The following MCC variants were observed in gnomAD, a reference collection of about 807,000 sequenced individuals.
MCC encodes the protein colorectal mutant cancer protein.
In MCC, 90 loss-of-function variants were observed where a neutral mutation model predicts 116.2. The observed-to-expected ratio is 0.77, with a 90% confidence interval of 0.65 to 0.92. The LOEUF is 0.92. MCC is among the 40% of genes least tolerant of loss of function. The pLI is 0.00. For synonymous variants in MCC, 578 were observed against 510.5 expected (o/e 1.13, Z -1.78); for missense variants, 1,516 against 1,312.2 (o/e 1.16, Z -2.40).
chr5:113,455,595 T>C (rs372260969), intron 1 of MCC, among the ~76,000 whole-genome samples: 29 of 152,190 alleles, frequency 1.9e-4, no homozygotes, highest in African/African-American at 5.8e-4. Flanking sequence ...CTTGGGGATA[T>C]ATATGTTTAG....
At chr5:113,163,553 T>G (rs1167259869) in intron 3 of MCC, among the ~76,000 whole-genome samples, 1 of 152,142 alleles carries the variant, frequency 6.6e-6, no homozygotes, top group East Asian at 1.9e-4. Context: ...CATTTTTTTT[T>G]GTTGACTCAC....
At chr5:113,253,537 A>G (rs1211380242) in intron 3 of MCC, among the ~76,000 whole-genome samples, 1 of 152,116 alleles carries the variant, frequency 6.6e-6, no homozygotes, top group Non-Finnish European at 1.5e-5. Context: ...AGAGCTCACA[A>G]CCCATACTCC....
intron 3 of MCC, among the ~76,000 whole-genome samples, chr5:113,294,092 T>C (rs1178650490): frequency 6.6e-6 from 1 of 152,168 alleles, no homozygotes; most frequent in East Asian, 1.9e-4. Context: ...TGAGAGGTTG[T>C]TTCTTTTTTA....
At chr5:113,402,868 C>G (rs915417829) in intron 1 of MCC, among the ~76,000 whole-genome samples, 2 of 152,126 alleles carry the variant, frequency 1.3e-5, no homozygotes, top group Admixed American at 6.5e-5. Flanking sequence ...GATCATAGTT[C>G]ACTGCAGCCT....
intron 3 of MCC, among the ~76,000 whole-genome samples, chr5:113,278,064 C>G (rs1468526324): frequency 6.6e-6 from 1 of 152,330 alleles, no homozygotes; most frequent in East Asian, 1.9e-4. Context: ...CAATGCCTGT[C>G]CTTCCCTGCA....
At chr5:113,125,264 G>A (rs1223015457) in intron 5 of MCC, among the ~76,000 whole-genome samples, 1 of 152,214 alleles carries the variant, frequency 6.6e-6, no homozygotes, top group Non-Finnish European at 1.5e-5. Flanking sequence ...CCAAGATCTT[G>A]TGTGGAAACA....
chr5:113,333,509 T>C (rs1354788221), intron 3 of MCC, among the ~76,000 whole-genome samples: 1 of 151,372 alleles, frequency 6.6e-6, no homozygotes, highest in Non-Finnish European at 1.5e-5. Flanking sequence ...CCTTTAAAAA[T>C]GTAAATTACT....
At chr5:113,179,647 C>T (rs1761510676) in intron 3 of MCC, among the ~76,000 whole-genome samples, 1 of 152,182 alleles carries the variant, frequency 6.6e-6, no homozygotes, top group Non-Finnish European at 1.5e-5. Flanking sequence ...CAATTAATAA[C>T]ATGCAAGTTC....
At chr5:113,245,303 A>C (rs1764531805) in intron 3 of MCC, among the ~76,000 whole-genome samples, 1 of 152,032 alleles carries the variant, frequency 6.6e-6, no homozygotes, top group Non-Finnish European at 1.5e-5. Context: ...AAAAAAAAAA[A>C]AAAAAGTAAT....
intron 1 of MCC, among the ~76,000 whole-genome samples, chr5:113,477,485 A>G (rs1489405402): frequency 6.6e-6 from 1 of 152,190 alleles, no homozygotes; most frequent in Non-Finnish European, 1.5e-5. Context: ...ATAAGAATAC[A>G]ATCCATGAGT....
intron 3 of MCC, among the ~76,000 whole-genome samples, chr5:113,314,735 GCAC>G (rs923014569): frequency 6.6e-6 from 1 of 152,210 alleles, no homozygotes; most frequent in African/African-American, 2.4e-5. Flanking sequence ...CTACAGGCAT[GCAC>G]CACCATGCCC....
chr5:113,336,947 C>A (rs1767884889), intron 3 of MCC, among the ~76,000 whole-genome samples: 1 of 152,210 alleles, frequency 6.6e-6, no homozygotes, highest in Non-Finnish European at 1.5e-5. Context: ...ATCCTCAATG[C>A]TAAAAATGTC....
At chr5:113,185,461 C>A (rs1761855244) in intron 3 of MCC, among the ~76,000 whole-genome samples, 2 of 152,140 alleles carry the variant, frequency 1.3e-5, no homozygotes, top group South Asian at 4.1e-4. Flanking sequence ...TTCTTAAAAT[C>A]CTGGTTACAT....
chr5:113,208,074 C>T (rs1046539144), intron 3 of MCC, among the ~76,000 whole-genome samples: 6 of 152,126 alleles, frequency 3.9e-5, no homozygotes, highest in African/African-American at 1.4e-4. Context: ...ATGATTACAA[C>T]TTCCTCTCCA....
chr5:113,159,222 C>G (rs148103290), intron 3 of MCC, among the ~76,000 whole-genome samples: 78 of 152,270 alleles, frequency 5.1e-4, no homozygotes, highest in African/African-American at 1.8e-3. Context: ...TTGTAACATG[C>G]TTGCCTGGCA....
At chr5:113,076,112 G>C (rs559665589) in intron 11 of MCC, among the ~76,000 whole-genome samples, 178 of 152,316 alleles carry the variant, frequency 1.2e-3, no homozygotes, top group African/African-American at 4.0e-3. Context: ...CTTCATTCTT[G>C]AAGTCAGCAA....
chr5:113,054,822 G>A (rs1752713009), intron 14 of MCC, among the ~76,000 whole-genome samples: 1 of 152,182 alleles, frequency 6.6e-6, no homozygotes, highest in Non-Finnish European at 1.5e-5. Flanking sequence ...GTTTCTAGGG[G>A]ACCAAACCAC....
chr5:113,112,588 G>A (rs1757161802), intron 6 of MCC, among the ~76,000 whole-genome samples: 1 of 152,190 alleles, frequency 6.6e-6, no homozygotes, highest in Non-Finnish European at 1.5e-5. Context: ...ATCTCAGGTA[G>A]TTCTTTATAG....
At chr5:113,036,957 A>T (rs1751369662) in intron 17 of MCC, among the ~76,000 whole-genome samples, 1 of 152,228 alleles carries the variant, frequency 6.6e-6, no homozygotes, top group South Asian at 2.1e-4. Flanking sequence ...CTGCAGACCC[A>T]TGTGCTTTTA....
Sources: allele counts gnomAD v4.1 joint callset (sites outside exome capture counted in the v4.1 genomes callset), GRCh38; gene constraint gnomAD v4.1.1; transcripts MANE v1.5; gene names NCBI Gene and HGNC (gene_info 2026-07-23, HGNC 2026-07-21).